The following MYNN variants were observed in gnomAD, a reference collection of about 807,000 sequenced individuals.
MYNN encodes myoneurin.
Under a neutral mutation model 57.2 loss-of-function variants are expected in MYNN, and 22 were observed. That is an observed-to-expected ratio of 0.38 (90% confidence interval 0.27 to 0.55). MYNN has a LOEUF of 0.55. MYNN is among the 20% of genes least tolerant of loss of function. The pLI is 0.71. For missense variants in MYNN, 566 were observed against 723.1 expected (o/e 0.78, Z 2.49); for synonymous variants, 241 against 257.1 (o/e 0.94, Z 0.60).
rs1461390864 is a variant in MYNN at position 169,774,344 on chromosome 3, C to G, written c.49C>G (p.Gln17Glu). 1 of 1,614,078 alleles carries G rather than the reference C, an allele frequency of 6.2e-7. No individual in the cohort carries two copies. Among genetic ancestry groups the G allele is most frequent in the Non-Finnish European group, 8.5e-7 (1 of 1,179,964 alleles). ...GCACCTTTTAGAGAGACTGAACAAA[C>G]AGCGGGAAGCAGGTTTTCTCTGTGA... The part of the protein sequence containing the change: ...CEHLLERLNK[Q>E]REAGFLCDCT... Residue 17 changes from glutamine (Q) to glutamate (E), a missense_variant, in exon 2 of 8, where the codon CAG becomes GAG. Coordinates refer to ENST00000349841, the MANE Select transcript of MYNN (RefSeq NM_018657.5).
chr3:169,783,487 A>G lies in MYNN; in HGVS notation c.1410A>G (p.Pro470=). The change falls in exon 6 of 8, where the codon CCA becomes CCG. Residue 470 remains proline, a synonymous_variant. Coordinates refer to ENST00000349841, the MANE Select transcript of MYNN (RefSeq NM_018657.5). ...TTATTTTCCATCTAGGTGAAAAACC[A>G]TACATATGTGGTATTTGTGGGAAAA... ...THSRKHTGEK[P]YICGICGKSF... is the part of the protein sequence containing the mutation. 3 of 1,606,602 alleles carry G rather than the reference A, an allele frequency of 1.9e-6. No homozygotes were observed. Among genetic ancestry groups the G allele is most frequent in the Non-Finnish European group, 2.6e-6 (3 of 1,174,166 alleles).
In MYNN at chr3:169,779,212, G is replaced by A. The variant is rs1017546990; in HGVS notation, c.711G>A (p.Leu237=). The A allele has an allele frequency of 1.2e-6, 2 of 1,614,170 alleles. No homozygotes were observed. The highest frequency in any genetic ancestry group is 2.7e-5 in the African/African-American group (2 of 75,058). Residue 237 remains leucine, a synonymous_variant, in exon 3 of 8, where the codon TTG becomes TTA. Coordinates refer to ENST00000349841, the MANE Select transcript of MYNN (RefSeq NM_018657.5). ...TAAATGATAATTCAGAACTCGAGTT[G>A]ACATCAGTTGTGGAAAATACTTTTC... ...AQINDNSELE[L]TSVVENTFPA...
Position 169,787,222 on chromosome 3 carries a change from A to G in MYNN, c.*544A>G, listed in dbSNP as rs1316024775. On this transcript the variant is annotated 3_prime_UTR_variant, in exon 8 of 8. Transcript: ENST00000349841. ...TTTCTCTATTAATATATTGTTAGAAATAACTTTTCTAATGAAACAAAAATG... is the reference window on the plus strand; with the variant it reads ...TTTCTCTATTAATATATTGTTAGAAGTAACTTTTCTAATGAAACAAAAATG... 2 of 152,296 alleles carry G rather than the reference A, an allele frequency of 1.3e-5. No homozygotes were observed. The highest frequency in any genetic ancestry group is 1.3e-4 in the Admixed American group (2 of 15,278). 9.4% of individuals were successfully genotyped at this position (152,296 alleles called of 1,614,324 possible).
At position 169,778,943 on chromosome 3, in the gene MYNN, C is replaced by T. The variant is rs1184216639; in HGVS notation, c.442C>T (p.Arg148Ter). 1.9e-6 allele frequency: 3 copies of T among 1,613,746 alleles called. No homozygotes were observed. The highest frequency in any genetic ancestry group is 1.7e-5 in the Admixed American group (1 of 59,994). Residue 148 changes from arginine to a stop codon, truncating the protein, a stop_gained, in exon 3 of 8, where the codon CGA (arginine) becomes TGA (stop). Coordinates refer to ENST00000349841, the MANE Select transcript of MYNN (RefSeq NM_018657.5). LOFTEE classifies it high-confidence loss of function. Reference sequence around the variant, plus strand: ...TCAACAGACTTGTCTTCTTACTCTGCGAGATTATAATAATCGAGAGAAATC... The same window carrying T: ...TCAACAGACTTGTCTTCTTACTCTGTGAGATTATAATAATCGAGAGAAATC... ...LNQQTCLLTL[R>*]DYNNREKSEV...
chr3:169,785,193 C>G (rs1270271157), intron 7 of MYNN, among the ~76,000 whole-genome samples: 2 of 151,744 alleles, frequency 1.3e-5, no homozygotes, highest in Non-Finnish European at 2.9e-5. Context: ...AGTTTTGAGT[C>G]TATTGGTTAA....
At chr3:169,786,280 G>A (rs7634517) in intron 7 of MYNN, 136 bp from the exon 8 acceptor site, 1 of 775,088 alleles carries the variant, frequency 1.3e-6, no homozygotes, top group Middle Eastern at 3.7e-4. Flanking sequence ...GAGGGCATAT[G>A]TACAAAAGAG....
Position 169,780,646 on chromosome 3 carries a change from C to T in MYNN, c.1117C>T (p.Leu373=). The T allele has an allele frequency of 6.2e-7, 1 of 1,612,518 alleles. No individual in the cohort carries two copies. Among genetic ancestry groups the T allele is most frequent in the South Asian group, 1.1e-5 (1 of 90,730 alleles). ...CDKGFAQKCQ[L]VFHSRMHHGE... The stretch of plus-strand genomic sequence containing the variant: ...TAAAGGATTTGCTCAGAAATGTCAG[C>T]TAGTCTTCCATAGTCGCATGCATCA... Residue 373 remains leucine, a synonymous_variant, in exon 4 of 8, where the codon CTA becomes TTA. Transcript: ENST00000349841.
At chr3:169,780,526 C>T (rs1000747482) in intron 3 of MYNN, 64 bp from the exon 4 acceptor site, 2 of 1,218,028 alleles carry the variant, frequency 1.6e-6, no homozygotes, top group Non-Finnish European at 2.3e-6. Flanking sequence ...TTGATGAAAT[C>T]TTATATGACT....
chr3:169,776,392 A>G (rs765108541), intron 2 of MYNN, among the ~76,000 whole-genome samples: 33 of 152,214 alleles, frequency 2.2e-4, no homozygotes, highest in Non-Finnish European at 4.7e-4. Context: ...TGGTTCTAAC[A>G]TTCTGTGCTC....
In MYNN at chr3:169,787,909, A is replaced by C. The variant is rs966364911; in HGVS notation, c.*1231A>C. Reference sequence around the variant, plus strand: ...CCTGATCTTTGGATATGAAATTATGAGTTCCACAAAGTCAATTTTTATAGT... The same window carrying C: ...CCTGATCTTTGGATATGAAATTATGCGTTCCACAAAGTCAATTTTTATAGT... On this transcript the variant is annotated 3_prime_UTR_variant, in exon 8 of 8. Coordinates refer to ENST00000349841, the MANE Select transcript of MYNN (RefSeq NM_018657.5). The C allele has an allele frequency of 2.0e-5, 3 of 152,116 alleles. No homozygotes were observed. Among genetic ancestry groups the C allele is most frequent in the Non-Finnish European group, 4.4e-5 (3 of 67,974 alleles). The allele number at this position is 152,116 out of a possible 1,614,324, so 9.4% of individuals were successfully genotyped here.
At chr3:169,785,206 T>C (rs1263574145) in intron 7 of MYNN, among the ~76,000 whole-genome samples, 1 of 151,978 alleles carries the variant, frequency 6.6e-6, no homozygotes, top group African/African-American at 2.4e-5. Flanking sequence ...TTGGTTAAAG[T>C]GAATTCTTGA....
chr3:169,784,228 T>G (rs1778606847), intron 6 of MYNN, among the ~76,000 whole-genome samples: 1 of 152,004 alleles, frequency 6.6e-6, no homozygotes, highest in Non-Finnish European at 1.5e-5. Context: ...AAGGATTTTC[T>G]AATTTGCCAG....
rs1393625869 is a variant in MYNN, at chr3:169,778,775, G to A, written c.274G>A (p.Val92Ile). Residue 92 changes from valine to isoleucine, a missense_variant, in exon 3 of 8, where the codon GTT (valine) becomes ATT (isoleucine). Physicochemically the swap from Val to Ile is conservative, Grantham distance 29. Around this residue, in one of 4 missense-constraint regions of MYNN, gnomAD observed 261 missense variants for 280.8 expected, o/e 0.93. Transcript: ENST00000349841. ...AGCCTTGTTTCCTTGCAGTTGGAAT[G>A]TTAAAGAAATTCATCAGGCTGCTGA... ...TGTLNLDSWN[V>I]KEIHQAADYL... 1 of 1,588,712 alleles carries A rather than the reference G, an allele frequency of 6.3e-7. No homozygotes were observed. Among genetic ancestry groups the A allele is most frequent in the Non-Finnish European group, 8.5e-7 (1 of 1,170,918 alleles).
At chr3:169,786,318 T>C in intron 7 of MYNN, 98 bp from the exon 8 acceptor site, 1 of 1,156,212 alleles carries the variant, frequency 8.6e-7, no homozygotes, top group South Asian at 1.5e-5. Flanking sequence ...GTATGGTGGT[T>C]GGAATGTAAT....
Position 169,779,169 on chromosome 3 carries a change from T to C in MYNN, c.668T>C (p.Val223Ala), listed in dbSNP as rs1248859166. Residue 223 changes from valine to alanine, a missense_variant, in exon 3 of 8, where the codon GTA (valine) becomes GCA (alanine). Transcript: ENST00000349841. The stretch of plus-strand genomic sequence containing the variant: ...GCAAATAAACTGCCCACACCTGTAG[T>C]AGAACAAGTTGCACAAATAAATGAT... ...LDANKLPTPVVEQVAQINDNS... is the reference protein window; with the variant it reads ...LDANKLPTPVAEQVAQINDNS... 2 of 1,614,070 alleles carry C rather than the reference T, an allele frequency of 1.2e-6. No homozygotes were observed. The highest frequency in any genetic ancestry group is 1.3e-5 in the African/African-American group (1 of 74,940).
chr3:169,786,511 AAGCCTTCTGATATGACTT>A lies in MYNN; in HGVS notation c.1667_1684del (p.Lys556_Leu562delinsIle). Reference sequence around the variant, plus strand: ...TCCTTTATCAGAAACTATGGATGTGAAGCCTTCTGATATGACTTTACCATTAGCTCTTCCACTTGGGAC... The same window carrying A: ...TCCTTTATCAGAAACTATGGATGTGATACCATTAGCTCTTCCACTTGGGAC... On this transcript the variant is annotated inframe_deletion, in exon 8 of 8. Coordinates refer to ENST00000349841, the MANE Select transcript of MYNN (RefSeq NM_018657.5). 1 of 1,613,728 alleles carries A rather than the reference AAGCCTTCTGATATGACTT, an allele frequency of 6.2e-7. No individual in the cohort carries two copies. Among genetic ancestry groups the A allele is most frequent in the Non-Finnish European group, 8.5e-7 (1 of 1,179,676 alleles).
At chr3:169,778,529 T>C (rs1175182731) in intron 2 of MYNN, 6 of 363,594 alleles carry the variant, frequency 1.7e-5, no homozygotes, top group African/African-American at 1.1e-4. Flanking sequence ...TTTTCTGCAG[T>C]GGTTCACTGT....
rs1182518617 is a variant in MYNN, at chr3:169,788,825, G to A, written c.*2147G>A. 1 of 152,104 alleles carries A rather than the reference G, an allele frequency of 6.6e-6. No homozygotes were observed. The highest frequency in any genetic ancestry group is 1.5e-5 in the Non-Finnish European group (1 of 67,990). The allele number at this position is 152,104 out of a possible 1,614,324, so 9.4% of individuals were successfully genotyped here. A position where few individuals can be genotyped will look rare whatever the true frequency, so the allele number is the denominator to read the frequency against. On this transcript the variant is annotated 3_prime_UTR_variant, in exon 8 of 8. Coordinates refer to ENST00000349841, the MANE Select transcript of MYNN (RefSeq NM_018657.5). ...GAATGATGTGTAGAGAAAACTTGAA[G>A]ATACTATCCCTTCTTTGGCATTCTT...
intron 2 of MYNN, chr3:169,777,472 G>A (rs1414959003): frequency 6.6e-6 from 1 of 150,750 alleles, no homozygotes; most frequent in Non-Finnish European, 1.5e-5. Flanking sequence ...GATTATTTGA[G>A]GGTAAGGGGT....
Sources: allele counts gnomAD v4.1 joint callset (sites outside exome capture counted in the v4.1 genomes callset), GRCh38; gene constraint gnomAD v4.1.1; regional missense constraint gnomAD v4.1.1; transcripts MANE v1.5; gene names NCBI Gene and HGNC (gene_info 2026-07-23, HGNC 2026-07-21).